The following STK32B variants were observed in gnomAD, a reference collection of about 807,000 sequenced individuals.
STK32B encodes the protein serine/threonine-protein kinase 32B.
A neutral mutation model predicts 52.6 loss-of-function variants in STK32B; 43 were observed. That is an observed-to-expected ratio of 0.82 (90% CI 0.64 to 1.05). STK32B has a LOEUF of 1.05. Among genes scored for constraint, STK32B ranks in the 50% least tolerant of loss-of-function variants. STK32B has a pLI of 0.00. For synonymous variants in STK32B, 238 were observed against 204.3 expected, an observed-to-expected ratio of 1.17 and a Z score of -1.41; for missense variants, 621 against 534.6, an observed-to-expected ratio of 1.16 and a Z score of -1.59.
intron 3 of STK32B, among the ~76,000 whole-genome samples, chr4:5,225,733 A>G (rs1723822092): frequency 6.6e-6 from 1 of 152,222 alleles, no homozygotes; most frequent in Admixed American, 6.5e-5. Context: ...CTTAGCTGGA[A>G]GGGCTCAAGG....
intron 8 of STK32B, 53 bp downstream of exon 8, chr4:5,456,976 A>G (rs1352466553): frequency 7.5e-7 from 1 of 1,329,994 alleles, no homozygotes; most frequent in African/African-American, 1.5e-5. Flanking sequence ...TGAGTGTAGA[A>G]ACAGCCATAT....
intron 3 of STK32B, among the ~76,000 whole-genome samples, chr4:5,179,310 C>G (rs1720173048): frequency 2.0e-5 from 3 of 152,176 alleles, no homozygotes; most frequent in African/African-American, 7.2e-5. Flanking sequence ...CTGGGTTCCT[C>G]CCATGACACA....
At chr4:5,164,623 C>G (rs1430873938) in intron 2 of STK32B, among the ~76,000 whole-genome samples, 2 of 152,186 alleles carry the variant, frequency 1.3e-5, no homozygotes, top group African/African-American at 4.8e-5. Flanking sequence ...GGAGTGGGCC[C>G]TTTTCCAGGT....
chr4:5,160,147 C>T (rs1718322890), intron 2 of STK32B, among the ~76,000 whole-genome samples: 1 of 152,134 alleles, frequency 6.6e-6, no homozygotes, highest in Non-Finnish European at 1.5e-5. Flanking sequence ...GCCCAGTTGA[C>T]ACAGAAAACT....
intron 4 of STK32B, among the ~76,000 whole-genome samples, chr4:5,339,842 A>G (rs565859946): frequency 1.3e-5 from 2 of 152,302 alleles, no homozygotes; most frequent in South Asian, 2.1e-4. Context: ...TAAAGAATTT[A>G]TCTGTGCCTG....
intron 4 of STK32B, among the ~76,000 whole-genome samples, chr4:5,393,188 T>C (rs1341700783): frequency 1.3e-5 from 2 of 152,176 alleles, no homozygotes; most frequent in African/African-American, 2.4e-5. Context: ...TAAATGCCTT[T>C]GGTCATCCTT....
At chr4:5,168,483 T>G (rs1287494539) in intron 3 of STK32B, 33 bp downstream of exon 3, 1 of 1,593,936 alleles carries the variant, frequency 6.3e-7, no homozygotes, top group East Asian at 2.2e-5. Flanking sequence ...CTCCTGTGGG[T>G]TCCCCTGTGG....
intron 3 of STK32B, among the ~76,000 whole-genome samples, chr4:5,310,534 TAAC>T (rs756464119): frequency 1.3e-5 from 2 of 151,610 alleles, no homozygotes; most frequent in Non-Finnish European, 2.9e-5. Context: ...AAGACAAAAA[TAAC>T]AAATGCTGGC....
At chr4:5,115,857 G>A (rs1177699586) in intron 1 of STK32B, among the ~76,000 whole-genome samples, 1 of 152,170 alleles carries the variant, frequency 6.6e-6, no homozygotes, top group Non-Finnish European at 1.5e-5. Flanking sequence ...ACACCAGCAT[G>A]AAACATTATT....
chr4:5,220,696 G>A (rs997386938), intron 3 of STK32B, among the ~76,000 whole-genome samples: 5 of 152,208 alleles, frequency 3.3e-5, no homozygotes, highest in African/African-American at 9.6e-5. Context: ...AGGGTTTTAA[G>A]TAGGGAGAGA....
intron 3 of STK32B, among the ~76,000 whole-genome samples, chr4:5,274,269 T>C (rs1727655866): frequency 1.3e-5 from 2 of 152,228 alleles, no homozygotes. Flanking sequence ...AGTGTAGTAT[T>C]GGTGCCGAGA....
chr4:5,410,395 C>A (rs1263655149), intron 5 of STK32B, among the ~76,000 whole-genome samples: 1 of 152,194 alleles, frequency 6.6e-6, no homozygotes, highest in African/African-American at 2.4e-5. Context: ...GTGAAACCAG[C>A]CAGAGAATAC....
intron 3 of STK32B, among the ~76,000 whole-genome samples, chr4:5,188,408 G>A (rs1333435320): frequency 6.6e-6 from 1 of 152,162 alleles, no homozygotes; most frequent in African/African-American, 2.4e-5. Context: ...TCACATGGCA[G>A]CTCCCCATGG....
intron 3 of STK32B, among the ~76,000 whole-genome samples, chr4:5,294,524 T>C (rs1478284802): frequency 6.6e-6 from 1 of 152,154 alleles, no homozygotes; most frequent in East Asian, 1.9e-4. Flanking sequence ...TATTTTATTC[T>C]CTTTGTAGCA....
chr4:5,034,183 C>T, the STK32B span, among the ~76,000 whole-genome samples: 8 of 152,194 alleles, frequency 5.3e-5, no homozygotes, highest in African/African-American at 9.7e-5. Context: ...CGTAAAGTTC[C>T]TTATTCATTT....
At chr4:5,029,954 T>G in the STK32B span, among the ~76,000 whole-genome samples, 41 of 152,212 alleles carry the variant, frequency 2.7e-4, no homozygotes, top group African/African-American at 8.9e-4. Flanking sequence ...TCATGAGATC[T>G]GATGGTTTTA....
chr4:5,419,565 GAA>G (rs1384696196), intron 6 of STK32B, among the ~76,000 whole-genome samples: 1 of 152,226 alleles, frequency 6.6e-6, no homozygotes, highest in Non-Finnish European at 1.5e-5. Flanking sequence ...GTTTCCCAGT[GAA>G]TACCTGCTGA....
intron 6 of STK32B, among the ~76,000 whole-genome samples, chr4:5,433,565 T>C (rs1474608271): frequency 1.3e-5 from 2 of 152,166 alleles, no homozygotes; most frequent in African/African-American, 4.8e-5. Flanking sequence ...GGACTTGGCT[T>C]CCTTGTCTAT....
chr4:5,428,439 T>C (rs1464404009), intron 6 of STK32B, among the ~76,000 whole-genome samples: 1 of 152,034 alleles, frequency 6.6e-6, no homozygotes, highest in Non-Finnish European at 1.5e-5. Flanking sequence ...AAAAAAACAT[T>C]TTTCTGACAG....
Sources: gnomAD v4.1 joint callset for allele counts (sites outside exome capture counted in the v4.1 genomes callset) on GRCh38, gnomAD v4.1.1 for gene constraint, MANE v1.5 for transcripts, NCBI Gene and HGNC (gene_info 2026-07-23, HGNC 2026-07-21) for gene names.